The following ENOX1 variants were observed in gnomAD, a reference collection of about 807,000 sequenced individuals.
ENOX1 encodes the protein ecto-NOX disulfide-thiol exchanger 1, also known as candidate growth-related and time keeping constitutive hydroquinone (NADH) oxidase.
ENOX1 carries 42 observed loss-of-function variants against 82.5 expected under a neutral mutation model. That is an observed-to-expected ratio of 0.51 (90% CI 0.40 to 0.66). The LOEUF (loss-of-function observed/expected upper bound fraction) is 0.66, where lower values mean the gene tolerates loss of function less well. Ranked by LOEUF, ENOX1 falls within the 30% of genes least tolerant of loss-of-function variation. The pLI is 0.00. For synonymous variants in ENOX1, 271 were observed against 282.2 expected, an observed-to-expected ratio of 0.96 and a Z score of 0.40; for missense variants, 608 against 811.6, an observed-to-expected ratio of 0.75 and a Z score of 3.05.
At chr13:43,527,007 G>C (rs944652661) in intron 2 of ENOX1, among the ~76,000 whole-genome samples, 19 of 152,052 alleles carry the variant, frequency 1.2e-4, no homozygotes, top group African/African-American at 4.1e-4. Flanking sequence ...ATTGGAAGCA[G>C]AGTGCAGCCC....
intron 2 of ENOX1, among the ~76,000 whole-genome samples, chr13:43,636,208 G>A (rs960683046): frequency 3.9e-5 from 6 of 152,142 alleles, no homozygotes; most frequent in Non-Finnish European, 8.8e-5. Flanking sequence ...TCATGGTCAC[G>A]CAAATAATAG....
At chr13:43,616,162 C>CTATATATATATAGATATA (rs1566641605) in intron 2 of ENOX1, among the ~76,000 whole-genome samples, 1 of 7,692 alleles carries the variant, frequency 1.3e-4, no homozygotes, top group Non-Finnish European at 3.2e-4. Flanking sequence ...AGATAGATAT[C>CTATATATATATAGATATA]TATCTATCTA....
At chr13:43,431,953 C>T (rs1223061210) in intron 3 of ENOX1, among the ~76,000 whole-genome samples, 2 of 152,156 alleles carry the variant, frequency 1.3e-5, no homozygotes, top group African/African-American at 4.8e-5. Context: ...GGCCTAATCA[C>T]CCCGGAGCCA....
At chr13:43,379,223 G>A (rs528992326) in intron 5 of ENOX1, among the ~76,000 whole-genome samples, 2 of 152,210 alleles carry the variant, frequency 1.3e-5, no homozygotes, top group East Asian at 3.9e-4. Flanking sequence ...TTGTTTTTAA[G>A]CCACTAAGTT....
intron 1 of ENOX1, among the ~76,000 whole-genome samples, chr13:43,743,327 T>C (rs1187606149): frequency 6.6e-6 from 1 of 152,100 alleles, no homozygotes; most frequent in Non-Finnish European, 1.5e-5. Context: ...CACAAGACAG[T>C]GGAGAAAACA....
At position 43,363,480 on chromosome 13, in the gene ENOX1, C is replaced by T. The variant is rs145538988; in HGVS notation, c.209-2028G>A. ...GATCAATTCTAAAGAAGTTCCAGAA[C>T]AGAATGGTTTTCAACATCATCATCA... is the stretch of plus-strand genomic sequence containing the variant. On this transcript the variant is annotated intron_variant, in intron 5 of 16. Transcript: ENST00000690772. Among the ~76,000 whole-genome samples the T allele has an allele frequency of 1.1e-4, 16 of 152,174 alleles. No homozygotes were observed. In the East Asian group the frequency reaches 3.1e-3, roughly 29 times the overall value.
At chr13:43,282,966 C>T (rs2045481283) in intron 12 of ENOX1, among the ~76,000 whole-genome samples, 2 of 151,912 alleles carry the variant, frequency 1.3e-5, no homozygotes, top group African/African-American at 4.8e-5. Context: ...CACCTGTAGT[C>T]CCAGCTGCTC....
At chr13:43,616,204 A>ATATATATTTTTTTT (rs1457149422) in intron 2 of ENOX1, among the ~76,000 whole-genome samples, 1 of 15,298 alleles carries the variant, frequency 6.5e-5, no homozygotes. Flanking sequence ...ATATATATAT[A>ATATATATTTTTTTT]TTTTTTTTTT....
intron 2 of ENOX1, among the ~76,000 whole-genome samples, chr13:43,497,601 C>T (rs2076837882): frequency 6.6e-6 from 1 of 152,112 alleles, no homozygotes; most frequent in South Asian, 2.1e-4. Flanking sequence ...TATGTTAATA[C>T]ATAATAACAC....
chr13:43,629,457 A>C (rs1023489314), intron 2 of ENOX1, among the ~76,000 whole-genome samples: 1 of 152,190 alleles, frequency 6.6e-6, no homozygotes, highest in Non-Finnish European at 1.5e-5. Context: ...TCTGGGTCTC[A>C]TGTCCTTAAC....
chr13:43,470,691 C>T (rs1354280566), intron 3 of ENOX1, among the ~76,000 whole-genome samples: 1 of 151,318 alleles, frequency 6.6e-6, no homozygotes, highest in Non-Finnish European at 1.5e-5. Context: ...ACAAATAATC[C>T]AATTTAAAAA....
chr13:43,342,817 T>G (rs1033789035), intron 9 of ENOX1, among the ~76,000 whole-genome samples: 1 of 152,258 alleles, frequency 6.6e-6, no homozygotes, highest in African/African-American at 2.4e-5. Context: ...TACACTTTTC[T>G]GTCCCTCTCT....
rs193070491 is a variant in ENOX1, at chr13:43,763,334, C to A, written c.-285+23318G>T. Among the ~76,000 whole-genome samples the A allele has an allele frequency of 2.7e-3, 404 of 152,284 alleles. 2 individuals are homozygous for A. The highest frequency in any genetic ancestry group is 9.3e-3 in the African/African-American group (387 of 41,564). ...CTCATAGATGGCTGTGTTCGTACCG[C>A]ATTTTCACAGAGTGTAAAGGGGGCA... On this transcript the variant is annotated intron_variant, in intron 1 of 16. Transcript: ENST00000690772.
chr13:43,515,566 G>A (rs1742427189), intron 2 of ENOX1, among the ~76,000 whole-genome samples: 3 of 152,104 alleles, frequency 2.0e-5, no homozygotes, highest in South Asian at 4.1e-4. Flanking sequence ...GTAGATAATA[G>A]TATTACAATA....
intron 2 of ENOX1, among the ~76,000 whole-genome samples, chr13:43,503,756 G>A (rs2077057340): frequency 6.6e-6 from 1 of 151,658 alleles, no homozygotes; most frequent in Non-Finnish European, 1.5e-5. Flanking sequence ...AAATTTTCTA[G>A]AAGAAAAGCT....
chr13:43,228,095 CTTTTTTTT>C (rs551861545), intron 15 of ENOX1, among the ~76,000 whole-genome samples: 2 of 84,720 alleles, frequency 2.4e-5, no homozygotes, highest in East Asian at 4.5e-4. Flanking sequence ...CTCTTTGCAG[CTTTTTTTT>C]TTTTTTTTTT....
At chr13:43,224,250 C>T in intron 15 of ENOX1, 112 bp from the exon 16 acceptor site, 2 of 795,506 alleles carry the variant, frequency 2.5e-6, no homozygotes, top group East Asian at 2.7e-5. Flanking sequence ...TATGGTCTTG[C>T]CATTTCTAGC....
intron 3 of ENOX1, among the ~76,000 whole-genome samples, chr13:43,430,736 C>T (rs2153613394): frequency 6.6e-6 from 1 of 152,304 alleles, no homozygotes; most frequent in Non-Finnish European, 1.5e-5. Context: ...GCAAAAAACA[C>T]TACAATTTAA....
chr13:43,300,187 G>A (rs1489745322), intron 11 of ENOX1, among the ~76,000 whole-genome samples: 1 of 152,004 alleles, frequency 6.6e-6, no homozygotes, highest in Non-Finnish European at 1.5e-5. Context: ...TATTTACTGT[G>A]CTCAGGTCCG....
Sources: gnomAD v4.1 joint callset for allele counts (sites outside exome capture counted in the v4.1 genomes callset) on GRCh38, gnomAD v4.1.1 for gene constraint, MANE v1.5 for transcripts, NCBI Gene and HGNC (gene_info 2026-07-23, HGNC 2026-07-21) for gene names.